Variants in PXDNL observed in about 807,000 individuals in gnomAD.
PXDNL encodes peroxidasin like.
A neutral mutation model predicts 150.8 loss-of-function variants in PXDNL; 145 were observed. The ratio of observed to expected loss-of-function variants is 0.96; its 90% CI spans 0.84 to 1.10. The LOEUF (loss-of-function observed/expected upper bound fraction) is 1.10. Among genes scored for constraint, PXDNL ranks in the 50% least tolerant of loss-of-function variants. The pLI is 0.00. For synonymous variants in PXDNL, 757 were observed against 725.7 expected (o/e 1.04, Z -0.69); for missense variants, 2,087 against 1,873.9 (o/e 1.11, Z -2.10).
At chr8:51,671,004 T>C (rs914620386) in intron 1 of PXDNL, among the ~76,000 whole-genome samples, 1 of 152,184 alleles carries the variant, frequency 6.6e-6, no homozygotes, top group African/African-American at 2.4e-5. Flanking sequence ...GAAACAAGAC[T>C]AAGAAAAATA....
chr8:51,453,555 C>G lies in PXDNL; in HGVS notation c.1213G>C (p.Gly405Arg), dbSNP rs148043479. The G allele has an allele frequency of 6.2e-7, 1 of 1,613,904 alleles. No homozygotes were observed. Among genetic ancestry groups the G allele is most frequent in the Non-Finnish European group, 8.5e-7 (1 of 1,179,898 alleles). The part of the protein sequence containing the change: ...RFTCHANNSH[G>R]TVQAAANIIV... ...ATGTTTGCTGCAGCTTGAACAGTGC[C>G]GTGGCTATTGTTGGCATGACAGGTA... The change falls in exon 10 of 23, where the codon GGC (glycine) becomes CGC (arginine). Residue 405 changes from glycine (G) to arginine (R), a missense_variant. Transcript: ENST00000356297.
intron 19 of PXDNL, 68 bp downstream of exon 19, chr8:51,371,805 A>T: frequency 7.5e-7 from 1 of 1,337,342 alleles, no homozygotes; most frequent in Non-Finnish European, 1.1e-6. Context: ...AATCTTTACC[A>T]CTGAAAACAA....
intron 2 of PXDNL, among the ~76,000 whole-genome samples, chr8:51,609,281 A>G (rs146437692): frequency 1.1e-3 from 172 of 152,378 alleles, no homozygotes; most frequent in East Asian, 4.0e-3. Context: ...AATATTGTAC[A>G]TAAGAATAAA....
chr8:51,800,739 C>T (rs1213894865), intron 1 of PXDNL, among the ~76,000 whole-genome samples: 3 of 152,182 alleles, frequency 2.0e-5, no homozygotes, highest in Non-Finnish European at 4.4e-5. Context: ...ATTTCATGGA[C>T]ATTTATCAGT....
rs541855728 is a variant in PXDNL, at chr8:51,403,641, C to T, written c.3557+4426G>A. Among the ~76,000 whole-genome samples the T allele has an allele frequency of 9.8e-5, 15 of 152,296 alleles. No individual in the cohort carries two copies. In the East Asian group the frequency reaches 1.7e-3, roughly 18 times the overall value. ...CCTACTTCTCATGTATCTCAAATGT[C>T]CTTCTTGGCACTCACAGCCAGGTCT... On this transcript the variant is annotated intron_variant, in intron 17 of 22. Transcript: ENST00000356297.
chr8:51,553,757 TATATATATATATATAC>T (rs1157654409), intron 4 of PXDNL, among the ~76,000 whole-genome samples: 65 of 73,008 alleles, frequency 8.9e-4, no homozygotes, highest in African/African-American at 3.9e-3. Context: ...TATATATATA[TATATATATATATATAC>T]ACACACTGAA....
intron 4 of PXDNL, among the ~76,000 whole-genome samples, chr8:51,519,087 T>G (rs1165372996): frequency 6.6e-6 from 1 of 152,240 alleles, no homozygotes; most frequent in Admixed American, 6.5e-5. Flanking sequence ...TGGATTTTTC[T>G]TATTTTGAGA....
Position 51,345,219 on chromosome 8 carries a change from C to G in PXDNL, c.4016+614G>C, listed in dbSNP as rs1806111716. On this transcript the variant is annotated intron_variant, in intron 20 of 22. Transcript: ENST00000356297. Reference sequence around the variant, plus strand: ...TATTCAATGAAAAGGAGCTACTGGACATACCTATGCTCAAGGTAGTGTTTC... The same window carrying G: ...TATTCAATGAAAAGGAGCTACTGGAGATACCTATGCTCAAGGTAGTGTTTC... Among the ~76,000 whole-genome samples, 3 of 152,170 alleles carry G rather than the reference C, an allele frequency of 2.0e-5. No individual in the cohort carries two copies. In the South Asian group the frequency reaches 6.2e-4, roughly 31 times the overall value.
rs573961502 is a variant in PXDNL, at chr8:51,406,183, C to T, written c.3557+1884G>A. On this transcript the variant is annotated intron_variant, in intron 17 of 22. Transcript: ENST00000356297. ...GGTACTCTAATTTGTGGTGAATTTA[C>T]AAGTTAGCTGCCAATTGAGAAGTGA... Among the ~76,000 whole-genome samples the T allele has an allele frequency of 2.2e-4, 33 of 152,362 alleles. No individual in the cohort carries two copies. The South Asian group carries it at 5.2e-3, about 24-fold the overall frequency.
At position 51,457,772 on chromosome 8, in the gene PXDNL, A is replaced by T. The variant is rs573442010; in HGVS notation, c.813-105T>A. The T allele has an allele frequency of 3.6e-5, 24 of 670,408 alleles. No individual in the cohort carries two copies. In the South Asian group the frequency reaches 6.5e-4, roughly 18 times the overall value. 41.5% of individuals were successfully genotyped at this position (670,408 alleles called of 1,614,324 possible). A position where few individuals can be genotyped will look rare whatever the true frequency, so the allele number is the denominator to read the frequency against. ...TATATAGCTATGTTTCATGTCTACC[A>T]AATTTGTTAAATTTATTTTATCTGA... On this transcript the variant is annotated intron_variant, in intron 8 of 22. Coordinates refer to ENST00000356297, the MANE Select transcript of PXDNL (RefSeq NM_144651.5).
chr8:51,612,292 T>C (rs1386109108), intron 2 of PXDNL, among the ~76,000 whole-genome samples: 1 of 152,004 alleles, frequency 6.6e-6, no homozygotes, highest in Non-Finnish European at 1.5e-5. Flanking sequence ...CTTCATGAAA[T>C]GGGCAGCAGC....
intron 1 of PXDNL, among the ~76,000 whole-genome samples, chr8:51,699,147 A>G (rs942931330): frequency 6.6e-6 from 1 of 152,178 alleles, no homozygotes; most frequent in Non-Finnish European, 1.5e-5. Flanking sequence ...CTAACAAGAG[A>G]GTCAATCTGT....
At chr8:51,474,270 A>C (rs1361488025) in intron 7 of PXDNL, among the ~76,000 whole-genome samples, 8 of 152,182 alleles carry the variant, frequency 5.3e-5, no homozygotes, top group Admixed American at 5.2e-4. Context: ...GTATTCATTT[A>C]TTTCTATTTA....
chr8:51,374,539 A>G, intron 18 of PXDNL, 58 bp downstream of exon 18: 1 of 1,558,850 alleles, frequency 6.4e-7, no homozygotes, highest in Non-Finnish European at 8.8e-7. Context: ...AAACATATAC[A>G]TTTTGGGTCA....
chr8:51,359,042 T>C (rs760798340), intron 19 of PXDNL, among the ~76,000 whole-genome samples: 1 of 152,136 alleles, frequency 6.6e-6, no homozygotes, highest in African/African-American at 2.4e-5. Context: ...AATAAGTGGG[T>C]TGTCTTCCTG....
At chr8:51,329,887 T>G (rs1233391818) in intron 21 of PXDNL, among the ~76,000 whole-genome samples, 1 of 152,178 alleles carries the variant, frequency 6.6e-6, no homozygotes, top group Non-Finnish European at 1.5e-5. Context: ...GGCCACAATC[T>G]TCTGTCTGCA....
intron 21 of PXDNL, among the ~76,000 whole-genome samples, chr8:51,333,315 A>G (rs960278763): frequency 3.9e-5 from 6 of 152,224 alleles, no homozygotes; most frequent in East Asian, 3.8e-4. Context: ...AGCCACCACT[A>G]CAAGAACTGC....
At chr8:51,427,619 A>AT (rs1176787943) in intron 12 of PXDNL, among the ~76,000 whole-genome samples, 1 of 152,218 alleles carries the variant, frequency 6.6e-6, no homozygotes, top group Non-Finnish European at 1.5e-5. Context: ...GTAATCCATC[A>AT]TATTAATGGC....
At chr8:51,743,445 G>A (rs13249576) in intron 1 of PXDNL, among the ~76,000 whole-genome samples, 145,781 of 152,044 alleles carry the variant, frequency 0.96, 70,190 homozygotes, top group East Asian at 1. Context: ...GCAGTGATGC[G>A]ATCTTGGCTC....
Sources: allele counts gnomAD v4.1 joint callset (sites outside exome capture counted in the v4.1 genomes callset), GRCh38; gene constraint gnomAD v4.1.1; transcripts MANE v1.5; gene names NCBI Gene and HGNC (gene_info 2026-07-23, HGNC 2026-07-21).